The following BMPR1B variants were observed in gnomAD, a reference collection of about 807,000 sequenced individuals.
BMPR1B encodes the protein bone morphogenetic protein receptor type-1B.
BMPR1B carries 12 observed loss-of-function variants against 59.1 expected under a neutral mutation model. The ratio of observed to expected loss-of-function variants is 0.20; its 90% CI spans 0.13 to 0.33. The LOEUF (loss-of-function observed/expected upper bound fraction) is 0.33. BMPR1B is among the 10% of genes least tolerant of loss of function. The pLI is 1.00. For synonymous variants in BMPR1B, 237 were observed against 207.3 expected (o/e 1.14, Z -1.23); for missense variants, 550 against 610.9 (o/e 0.90, Z 1.05).
chr4:95,123,187 A>G (rs1215267720), intron 6 of BMPR1B, among the ~76,000 whole-genome samples: 1 of 152,192 alleles, frequency 6.6e-6, no homozygotes, highest in Non-Finnish European at 1.5e-5. Flanking sequence ...AAAGTATCAT[A>G]CATTCTTTGG....
At chr4:94,992,661 G>T (rs535752235) in intron 2 of BMPR1B, among the ~76,000 whole-genome samples, 2 of 152,196 alleles carry the variant, frequency 1.3e-5, no homozygotes, top group Non-Finnish European at 2.9e-5. Context: ...CAGAGGAAGA[G>T]ACTTTTTACA....
intron 3 of BMPR1B, among the ~76,000 whole-genome samples, chr4:95,014,245 G>A (rs978150954): frequency 1.1e-4 from 16 of 152,008 alleles, no homozygotes; most frequent in East Asian, 5.8e-4. Flanking sequence ...AAATTCTGCC[G>A]TTAATATAAA....
intron 3 of BMPR1B, among the ~76,000 whole-genome samples, chr4:95,071,646 GTGTGTGTATATA>G (rs898185997): frequency 4.6e-5 from 4 of 86,588 alleles, no homozygotes; most frequent in African/African-American, 1.9e-4. Flanking sequence ...GTGTGTGTGT[GTGTGTGTATATA>G]TATATATATA....
intron 3 of BMPR1B, among the ~76,000 whole-genome samples, chr4:95,024,962 G>A (rs565318380): frequency 5.9e-5 from 9 of 152,072 alleles, no homozygotes; most frequent in Admixed American, 2.0e-4. Flanking sequence ...CTAGCTGGGC[G>A]TGGTGGTGCG....
chr4:94,865,388 G>GTTT (rs59399150), intron 1 of BMPR1B, among the ~76,000 whole-genome samples: 5,312 of 142,846 alleles, frequency 0.037, 316 homozygotes, highest in African/African-American at 0.13. Context: ...TTCATGCTGG[G>GTTT]TTTTTTTTTT....
chr4:94,862,298 C>T (rs1036926506), intron 1 of BMPR1B, among the ~76,000 whole-genome samples: 2 of 151,452 alleles, frequency 1.3e-5, no homozygotes, highest in Admixed American at 6.6e-5. Context: ...TACAGGCATG[C>T]GCCACCATGC....
chr4:94,952,741 T>G (rs1729996536), intron 2 of BMPR1B, among the ~76,000 whole-genome samples: 1 of 152,128 alleles, frequency 6.6e-6, no homozygotes, highest in Non-Finnish European at 1.5e-5. Flanking sequence ...ATTCTGTTGA[T>G]TTGGGGTGGA....
rs540237466 is a variant in BMPR1B, at chr4:94,758,785, A to G, written c.-183+717A>G. Among the ~76,000 whole-genome samples, 128 of 148,704 alleles carry G rather than the reference A, an allele frequency of 8.6e-4. 3 individuals carry two copies. In the South Asian group the frequency reaches 0.026, roughly 31 times the overall value. On this transcript the variant is annotated intron_variant, in intron 1 of 12. Transcript: ENST00000515059. ...TTTCTCCCTTCCTCTCCTTATTGCT[A>G]TCCTTTGCCTCTCCCCCCGGTCTCT...
At chr4:94,961,741 G>T (rs1730361981) in intron 2 of BMPR1B, among the ~76,000 whole-genome samples, 1 of 152,128 alleles carries the variant, frequency 6.6e-6, no homozygotes, top group Non-Finnish European at 1.5e-5. Context: ...ATACTCAAGT[G>T]TGCTAACATT....
At chr4:94,968,282 A>G (rs76553705) in intron 2 of BMPR1B, among the ~76,000 whole-genome samples, 6 of 152,044 alleles carry the variant, frequency 3.9e-5, no homozygotes, top group Admixed American at 3.9e-4. Context: ...TTATGGCAAG[A>G]TCTCAGTGAG....
At chr4:95,123,748 A>G (rs1732699235) in intron 6 of BMPR1B, 62 bp from the exon 7 acceptor site, 4 of 1,273,952 alleles carry the variant, frequency 3.1e-6, no homozygotes, top group African/African-American at 1.5e-5. Context: ...GGAAAGAGTT[A>G]CTTTCTTATT....
intron 3 of BMPR1B, among the ~76,000 whole-genome samples, chr4:95,047,757 T>A (rs1214284577): frequency 6.6e-6 from 1 of 152,212 alleles, no homozygotes; most frequent in Non-Finnish European, 1.5e-5. Flanking sequence ...TACCATTGAT[T>A]TACTTGGTTA....
At position 95,027,777 on chromosome 4, in the gene BMPR1B, A is replaced by G. The variant is rs1413953335; in HGVS notation, c.-18+31643A>G. On this transcript the variant is annotated intron_variant, in intron 3 of 12. Transcript: ENST00000515059. ...AGATGAAATGCCTGCTTTTATATGC[A>G]TATACACATGTATTTTTCAATATGT... 2.0e-5 allele frequency among the ~76,000 whole-genome samples: 3 copies of G among 152,212 alleles called. No homozygotes were observed. The East Asian group carries it at 5.8e-4, about 29-fold the overall frequency.
intron 1 of BMPR1B, among the ~76,000 whole-genome samples, chr4:94,831,944 G>A (rs1179951036): frequency 1.3e-5 from 2 of 152,174 alleles, no homozygotes; most frequent in Non-Finnish European, 2.9e-5. Context: ...ATCTGTCACT[G>A]TCTCCCATCA....
At chr4:95,097,123 TATTA>T (rs1385592838) in intron 3 of BMPR1B, among the ~76,000 whole-genome samples, 6 of 85,988 alleles carry the variant, frequency 7.0e-5, no homozygotes, top group African/African-American at 1.8e-4. Flanking sequence ...ATAATTTATA[TATTA>T]ATTTATATAT....
chr4:95,118,992 A>G (rs966914424), intron 6 of BMPR1B, among the ~76,000 whole-genome samples: 8 of 152,170 alleles, frequency 5.3e-5, no homozygotes, highest in African/African-American at 9.7e-5. Flanking sequence ...ATATAATAAG[A>G]TAAGTAATAC....
intron 3 of BMPR1B, among the ~76,000 whole-genome samples, chr4:95,072,104 T>C (rs190909552): frequency 9.2e-5 from 14 of 152,124 alleles, no homozygotes; most frequent in African/African-American, 1.2e-4. Context: ...GAGGTTTCAG[T>C]TCAAGTGCAA....
intron 2 of BMPR1B, among the ~76,000 whole-genome samples, chr4:94,880,937 T>C (rs1273981543): frequency 6.6e-6 from 1 of 152,130 alleles, no homozygotes; most frequent in Non-Finnish European, 1.5e-5. Context: ...GGTCCAGCCC[T>C]AAAATATTTT....
At chr4:94,835,910 T>A (rs370548612) in intron 1 of BMPR1B, among the ~76,000 whole-genome samples, 2 of 104,138 alleles carry the variant, frequency 1.9e-5, no homozygotes, top group East Asian at 6.3e-4. Flanking sequence ...CCCTCCCCCC[T>A]CCCCCCACCC....
Sources: gnomAD v4.1 joint callset for allele counts (sites outside exome capture counted in the v4.1 genomes callset) on GRCh38, gnomAD v4.1.1 for gene constraint, MANE v1.5 for transcripts, NCBI Gene and HGNC (gene_info 2026-07-23, HGNC 2026-07-21) for gene names.